The following MYOM2 variants were observed in gnomAD, a reference collection of about 807,000 sequenced individuals.
MYOM2 encodes myomesin-2.
MYOM2 carries 254 observed loss-of-function variants against 187.6 expected under a neutral mutation model. The observed-to-expected ratio is 1.35, with a 90% confidence interval of 1.22 to 1.50. MYOM2 has a LOEUF of 1.50. Ranked by LOEUF, MYOM2 falls within the 40% of genes most tolerant of loss-of-function variation. The probability of loss-of-function intolerance (pLI) is 0.00; values close to 1 mark genes in which losing one functional copy is unlikely to be tolerated. For missense variants in MYOM2, 2,796 were observed against 1,924.0 expected (o/e 1.45, Z -8.48); for synonymous variants, 981 against 753.8 (o/e 1.30, Z -4.94).
At chr8:2,057,533 A>G (rs1300294140) in intron 4 of MYOM2, 47 bp downstream of exon 4, 1 of 1,613,322 alleles carries the variant, frequency 6.2e-7, no homozygotes, top group East Asian at 2.2e-5. Flanking sequence ...CGTGGACTAG[A>G]TCTTAGCTTG....
At chr8:2,099,691 GC>G (rs895068682) in intron 19 of MYOM2, among the ~76,000 whole-genome samples, 1 of 152,184 alleles carries the variant, frequency 6.6e-6, no homozygotes, top group African/African-American at 2.4e-5. Flanking sequence ...AGTAGCTGGG[GC>G]CACAGGTTCA....
intron 31 of MYOM2, among the ~76,000 whole-genome samples, chr8:2,125,796 G>C (rs1030505317): frequency 9.9e-5 from 15 of 151,386 alleles, no homozygotes; most frequent in Non-Finnish European, 1.9e-4. Context: ...TTTTAGTAGA[G>C]ATGGGGTTTC....
chr8:2,120,689 A>ATATATATAAATATATATTTATAATAT, intron 28 of MYOM2, among the ~76,000 whole-genome samples: 6 of 42,382 alleles, frequency 1.4e-4, no homozygotes, highest in East Asian at 6.1e-4. Context: ...ATTATATATA[A>ATATATATAAATATATATTTATAATAT]ATATATAATA....
At chr8:2,067,119 C>T (rs1819044655) in intron 6 of MYOM2, among the ~76,000 whole-genome samples, 1 of 152,116 alleles carries the variant, frequency 6.6e-6, no homozygotes, top group South Asian at 2.1e-4. Context: ...TAGCACAGTT[C>T]TCGGACACGT....
At position 2,098,925 on chromosome 8, in the gene MYOM2, G is replaced by A. The variant is rs77117285; in HGVS notation, c.2382G>A (p.Gly794=). 1 of 1,613,462 alleles carries A rather than the reference G, an allele frequency of 6.2e-7. No individual in the cohort carries two copies. Among genetic ancestry groups the A allele is most frequent in the Non-Finnish European group, 8.5e-7 (1 of 1,179,812 alleles). ...CCGCCGTCAACCTGGCCGGCATCGG[G>A]GAGCCCTCAGATCCCAGTGAGCACT... ...KIAAVNLAGI[G]EPSDPSEHFK... The change falls in exon 19 of 37, where the codon GGG becomes GGA. Residue 794 remains glycine, a synonymous_variant. Transcript: ENST00000262113.
chr8:2,088,420 C>G (rs1796170020), intron 14 of MYOM2, among the ~76,000 whole-genome samples: 2 of 152,232 alleles, frequency 1.3e-5, no homozygotes, highest in Non-Finnish European at 2.9e-5. Flanking sequence ...GGTGGTTTTT[C>G]AGCCCTTGCT....
rs1402983198 is a variant in MYOM2 at position 2,141,064 on chromosome 8, A to T, written c.3965-77A>T. ...ATATCAGTTTTCATGAACCAGATTC[A>T]CTGGTATAATATTTGAGTGAATAAA... On this transcript the variant is annotated intron_variant, in intron 33 of 36. Coordinates refer to ENST00000262113, the MANE Select transcript of MYOM2 (RefSeq NM_003970.4). The T allele has an allele frequency of 3.5e-6, 5 of 1,424,794 alleles. No homozygotes were observed. In the African/African-American group the frequency reaches 7.1e-5, roughly 20 times the overall value. 88.3% of individuals were successfully genotyped at this position (1,424,794 alleles called of 1,614,324 possible). A position where few individuals can be genotyped will look rare whatever the true frequency, so the allele number is the denominator to read the frequency against.
At chr8:2,098,261 G>T (rs560987236) in intron 18 of MYOM2, 2 of 152,180 alleles carry the variant, frequency 1.3e-5, no homozygotes, top group African/African-American at 4.8e-5. Context: ...CGGGGGAGTC[G>T]AGGCTCGTAG....
chr8:2,052,506 T>C (rs1818526068), intron 3 of MYOM2, among the ~76,000 whole-genome samples, 193 bp downstream of exon 3: 1 of 152,180 alleles, frequency 6.6e-6, no homozygotes, highest in South Asian at 2.1e-4. Context: ...TCTCAATTAA[T>C]CTGAACAAGA....
intron 2 of MYOM2, among the ~76,000 whole-genome samples, chr8:2,051,074 C>G (rs911271900): frequency 2.0e-5 from 3 of 152,134 alleles, no homozygotes; most frequent in Non-Finnish European, 4.4e-5. Flanking sequence ...GCAGGTCCTG[C>G]TGGCCGAGTT....
In MYOM2 at chr8:2,078,844, G is replaced by A; in HGVS notation, c.1373G>A (p.Arg458Lys). ...FEGRSYIFRV[R>K]AVNSAGISRP... Reference sequence around the variant, plus strand: ...GGAAGGTCTTACATATTCCGAGTGAGGGCAGTGAACAGTGCGGGCATCAGC... The same window carrying A: ...GGAAGGTCTTACATATTCCGAGTGAAGGCAGTGAACAGTGCGGGCATCAGC... The change falls in exon 12 of 37, where the codon AGG (arginine) becomes AAG (lysine). Residue 458 changes from arginine (R) to lysine (K), a missense_variant. Physicochemically the swap from Arg to Lys is conservative, Grantham distance 26 (BLOSUM62 2). Coordinates refer to ENST00000262113, the MANE Select transcript of MYOM2 (RefSeq NM_003970.4). The A allele has an allele frequency of 6.2e-7, 1 of 1,614,132 alleles. No homozygotes were observed. Among genetic ancestry groups the A allele is most frequent in the Non-Finnish European group, 8.5e-7 (1 of 1,179,992 alleles).
intron 31 of MYOM2, among the ~76,000 whole-genome samples, chr8:2,126,544 A>C (rs767883838): frequency 1.8e-4 from 27 of 152,158 alleles, no homozygotes; most frequent in Non-Finnish European, 3.8e-4. Context: ...ACACTTACTC[A>C]TATGGGCACA....
chr8:2,050,826 C>A lies in MYOM2; in HGVS notation c.60C>A (p.Tyr20Ter), dbSNP rs1479441759. The A allele has an allele frequency of 2.5e-6, 4 of 1,613,320 alleles. No homozygotes were observed. Among genetic ancestry groups the A allele is most frequent in the Non-Finnish European group, 3.4e-6 (4 of 1,179,390 alleles). ...QKRHRHFDQS[Y>*]RNIQTRYLLD... ...GACATAGGCACTTCGACCAGTCCTA[C>A]CGTAATATTCAAACACGGTACCTGC... Residue 20 changes from tyrosine to a stop codon, truncating the protein, a stop_gained, in exon 2 of 37, where the codon TAC becomes TAA. Coordinates refer to ENST00000262113, the MANE Select transcript of MYOM2 (RefSeq NM_003970.4). LOFTEE classifies it high-confidence loss of function.
chr8:2,050,024 G>T (rs550245839), intron 1 of MYOM2, among the ~76,000 whole-genome samples: 1 of 152,264 alleles, frequency 6.6e-6, no homozygotes, highest in Non-Finnish European at 1.5e-5. Flanking sequence ...TCAGACGGCA[G>T]ATTCCAGGGG....
chr8:2,050,656 TAA>T, intron 1 of MYOM2, 97 bp from the exon 2 acceptor site: 1 of 639,334 alleles, frequency 1.6e-6, no homozygotes. Flanking sequence ...GGGGTTTTAT[TAA>T]CTGGAGTTCA....
chr8:2,116,162 G>C, intron 26 of MYOM2, 54 bp from the exon 27 acceptor site: 3 of 1,602,288 alleles, frequency 1.9e-6, no homozygotes, highest in Non-Finnish European at 2.6e-6. Flanking sequence ...AAATTCTTTT[G>C]ACTGGAGAGA....
intron 20 of MYOM2, 133 bp from the exon 21 acceptor site, chr8:2,102,534 C>A: frequency 1.7e-6 from 1 of 581,318 alleles, no homozygotes; most frequent in Non-Finnish European, 3.1e-6. Context: ...TTTTCTAACT[C>A]ATTAAGTATC....
chr8:2,070,492 G>A (rs1024823515), intron 8 of MYOM2, among the ~76,000 whole-genome samples: 1 of 152,182 alleles, frequency 6.6e-6, no homozygotes, highest in Admixed American at 6.5e-5. Context: ...AGCCTGGGGA[G>A]CCCGGGAGAT....
At chr8:2,054,197 G>T (rs557457241) in intron 3 of MYOM2, among the ~76,000 whole-genome samples, 5 of 152,330 alleles carry the variant, frequency 3.3e-5, no homozygotes, top group African/African-American at 1.2e-4. Context: ...TGCAAAAGAT[G>T]AAATTGTGGG....
Sources: gnomAD v4.1 joint callset for allele counts (sites outside exome capture counted in the v4.1 genomes callset) on GRCh38, gnomAD v4.1.1 for gene constraint, MANE v1.5 for transcripts, NCBI Gene and HGNC (gene_info 2026-07-23, HGNC 2026-07-21) for gene names.